The following FAM135B variants were observed in gnomAD, a reference collection of about 807,000 sequenced individuals.
The protein encoded by FAM135B is family with sequence similarity 135 member B.
Under a neutral mutation model 127.7 loss-of-function variants are expected in FAM135B, and 43 were observed. The observed-to-expected ratio is 0.34, with a 90% CI of 0.26 to 0.43. The LOEUF is 0.43. FAM135B is among the 20% of genes least tolerant of loss of function. The pLI is 1.00. For synonymous variants in FAM135B, 670 were observed against 665.1 expected (o/e 1.01, Z -0.11); for missense variants, 1,558 against 1,725.6 (o/e 0.90, Z 1.72).
rs1402013952 is a variant in FAM135B, at chr8:138,132,554, G to A, written c.*39C>T. Reference sequence around the variant, plus strand: ...CAGGTCTCAGCTAAAGCTCTCCACCGATCGTAAGCATTACCAAAGACCTGC... The same window carrying A: ...CAGGTCTCAGCTAAAGCTCTCCACCAATCGTAAGCATTACCAAAGACCTGC... On this transcript the variant is annotated 3_prime_UTR_variant, in exon 20 of 20. Transcript: ENST00000395297. The surrounding 1 kb of genome is among the most constrained non-coding windows in gnomAD (Gnocchi z 4.5). 1.2e-5 allele frequency: 18 copies of A among 1,542,452 alleles called. No homozygotes were observed. The highest frequency in any genetic ancestry group is 2.2e-5 in the East Asian group (1 of 44,530).
chr8:138,340,977 A>T (rs1829008669), intron 2 of FAM135B, among the ~76,000 whole-genome samples: 1 of 152,210 alleles, frequency 6.6e-6, no homozygotes, highest in Non-Finnish European at 1.5e-5. Context: ...TAGTATAGGA[A>T]CACTGTCTCA....
At chr8:138,357,097 G>A (rs1436459131) in intron 2 of FAM135B, among the ~76,000 whole-genome samples, 1 of 151,938 alleles carries the variant, frequency 6.6e-6, no homozygotes, top group Non-Finnish European at 1.5e-5. Flanking sequence ...GCAGCAAGAT[G>A]TATTCATTTT....
chr8:138,202,950 C>T (rs1468876434), intron 7 of FAM135B, among the ~76,000 whole-genome samples: 1 of 152,150 alleles, frequency 6.6e-6, no homozygotes, highest in Non-Finnish European at 1.5e-5. Flanking sequence ...ATGGCTCCCT[C>T]ACTAGCAGGT....
At chr8:138,352,398 C>T (rs911420710) in intron 2 of FAM135B, among the ~76,000 whole-genome samples, 1 of 152,160 alleles carries the variant, frequency 6.6e-6, no homozygotes, top group Non-Finnish European at 1.5e-5. Flanking sequence ...CTAAAATAAA[C>T]ATCACCTTGT....
chr8:138,260,767 T>G (rs974234036), intron 4 of FAM135B, among the ~76,000 whole-genome samples: 22 of 152,268 alleles, frequency 1.4e-4, no homozygotes, highest in Admixed American at 1.4e-3. Context: ...TAGCAGCAAC[T>G]GCCTGTATGC....
At chr8:138,478,210 G>A (rs1814605565) in intron 1 of FAM135B, among the ~76,000 whole-genome samples, 1 of 151,980 alleles carries the variant, frequency 6.6e-6, no homozygotes, top group Non-Finnish European at 1.5e-5. Flanking sequence ...CCCACCTCCT[G>A]CCACTAGTCA....
chr8:138,131,503 T>A lies in FAM135B; in HGVS notation c.*1090A>T, dbSNP rs1212426933. ...TTTGTCCCTGTCGTCTATTGGTTTTTATCAACGCAGTGACCTTTCCTAGCC... is the reference window on the plus strand; with the variant it reads ...TTTGTCCCTGTCGTCTATTGGTTTTAATCAACGCAGTGACCTTTCCTAGCC... On this transcript the variant is annotated 3_prime_UTR_variant, in exon 20 of 20. Coordinates refer to ENST00000395297, the MANE Select transcript of FAM135B (RefSeq NM_015912.4). 1 of 152,670 alleles carries A rather than the reference T, an allele frequency of 6.6e-6. No homozygotes were observed. Among genetic ancestry groups the A allele is most frequent in the African/African-American group, 2.4e-5 (1 of 41,464 alleles). 9.5% of individuals were successfully genotyped at this position (152,670 alleles called of 1,614,324 possible).
intron 1 of FAM135B, among the ~76,000 whole-genome samples, chr8:138,386,874 G>A (rs539552840): frequency 2.2e-4 from 33 of 152,154 alleles, no homozygotes; most frequent in African/African-American, 6.7e-4. Context: ...TGAATGAGAC[G>A]GGAGTTCAAG....
chr8:138,178,624 T>C lies in FAM135B; in HGVS notation c.940A>G (p.Met314Val), dbSNP rs199559305. 2.2e-4 allele frequency: 363 copies of C among 1,614,144 alleles called. 1 individual carries two copies. Among genetic ancestry groups the C allele is most frequent in the South Asian group, 2.0e-3 (182 of 91,086 alleles). The change falls in exon 10 of 20, where the codon ATG (methionine) becomes GTG (valine). Residue 314 changes from methionine (M) to valine (V), a missense_variant. Met to Val is a conservative substitution (Grantham distance 21, BLOSUM62 1). Transcript: ENST00000395297. ...AGGAACTGGGTCCACAGAGTCATCA[T>C]GTGGGACGTGAGCCAGGCCAGATCC... ...SKDLAWLTSHMMTLWTQFLDT... is the reference protein window; with the variant it reads ...SKDLAWLTSHVMTLWTQFLDT...
At chr8:138,342,060 G>A (rs180786990) in intron 2 of FAM135B, among the ~76,000 whole-genome samples, 1 of 152,166 alleles carries the variant, frequency 6.6e-6, no homozygotes, top group Non-Finnish European at 1.5e-5. Flanking sequence ...ATTACTGCTA[G>A]AAACACCTAC....
intron 11 of FAM135B, among the ~76,000 whole-genome samples, chr8:138,176,298 AAAG>A (rs1814456664): frequency 6.6e-6 from 1 of 152,238 alleles, no homozygotes; most frequent in African/African-American, 2.4e-5. Flanking sequence ...GTAACTCTGG[AAAG>A]AAGATTTCCT....
chr8:138,166,326 C>T (rs115719094), intron 12 of FAM135B, among the ~76,000 whole-genome samples: 2,053 of 152,322 alleles, frequency 0.013, 36 homozygotes, highest in Middle Eastern at 0.051. Flanking sequence ...GCCTTGACCT[C>T]TTGCCCACTC....
chr8:138,270,933 C>T (rs1658993889), intron 3 of FAM135B, among the ~76,000 whole-genome samples: 1 of 152,230 alleles, frequency 6.6e-6, no homozygotes, highest in Non-Finnish European at 1.5e-5. Context: ...AAAGGGTTCA[C>T]TTTTGAACAC....
At chr8:138,204,068 G>T (rs560375996) in intron 7 of FAM135B, among the ~76,000 whole-genome samples, 1 of 152,266 alleles carries the variant, frequency 6.6e-6, no homozygotes, top group Admixed American at 6.5e-5. Context: ...TGGCTCACCT[G>T]TCACTCACCT....
chr8:138,386,338 GAGA>G (rs1488702928), intron 1 of FAM135B, among the ~76,000 whole-genome samples: 8 of 152,094 alleles, frequency 5.3e-5, no homozygotes, highest in South Asian at 2.1e-4. Flanking sequence ...TGCTGAAGGA[GAGA>G]AGGAGACAGC....
chr8:138,213,469 G>A (rs540124404), intron 7 of FAM135B, among the ~76,000 whole-genome samples: 1 of 151,488 alleles, frequency 6.6e-6, no homozygotes, highest in African/African-American at 2.4e-5. Context: ...GGAGAGGATG[G>A]CTAAATTCCG....
At chr8:138,426,901 A>C (rs1022225151) in intron 1 of FAM135B, among the ~76,000 whole-genome samples, 1 of 152,024 alleles carries the variant, frequency 6.6e-6, no homozygotes, top group Non-Finnish European at 1.5e-5. Context: ...TCCTGAAATG[A>C]AAACTATCTT....
At position 138,197,466 on chromosome 8, in the gene FAM135B, G is replaced by A. The variant is rs928396513; in HGVS notation, c.823+50C>T. The A allele has an allele frequency of 3.8e-6, 6 of 1,583,622 alleles. No individual in the cohort carries two copies. In the Admixed American group the frequency reaches 8.5e-5, roughly 22 times the overall value. ...AGCTTTTCCCCATCCCTTGTGTGGA[G>A]GAGGCACATGAGCTGCTGGGATGGG... is the stretch of plus-strand genomic sequence containing the variant. On this transcript the variant is annotated intron_variant, in intron 8 of 19. Coordinates refer to ENST00000395297, the MANE Select transcript of FAM135B (RefSeq NM_015912.4).
chr8:138,480,499 T>G (rs1208599905), intron 1 of FAM135B, among the ~76,000 whole-genome samples: 1 of 152,176 alleles, frequency 6.6e-6, no homozygotes, highest in Admixed American at 6.5e-5. Flanking sequence ...TGAAATAGGC[T>G]CAATATTCAA....
Sources: allele counts gnomAD v4.1 joint callset (sites outside exome capture counted in the v4.1 genomes callset), GRCh38; gene constraint gnomAD v4.1.1; non-coding constraint Gnocchi (gnomAD v3.1); transcripts MANE v1.5; gene names NCBI Gene and HGNC (gene_info 2026-07-23, HGNC 2026-07-21).